Variants in FAT3 observed in about 807,000 individuals in gnomAD.
FAT3 encodes protocadherin Fat 3.
FAT3 carries 95 observed loss-of-function variants against 310.2 expected under a neutral mutation model. The ratio of observed to expected loss-of-function variants is 0.31; its 90% confidence interval spans 0.26 to 0.36. The LOEUF (loss-of-function observed/expected upper bound fraction) is 0.36. Ranked by LOEUF, FAT3 falls within the 10% of genes least tolerant of loss-of-function variation. FAT3 has a pLI of 1.00. For synonymous variants in FAT3, 2,314 were observed against 2,192.9 expected (o/e 1.06, Z -1.54); for missense variants, 5,408 against 5,715.6 (o/e 0.95, Z 1.74).
At chr11:92,561,191 T>C (rs984180055) in intron 3 of FAT3, among the ~76,000 whole-genome samples, 1 of 151,952 alleles carries the variant, frequency 6.6e-6, no homozygotes, top group African/African-American at 2.4e-5. Flanking sequence ...GAATATAGCA[T>C]GGCTGATACT....
In FAT3 at chr11:92,798,916, T is replaced by C. The variant is rs1412531773; in HGVS notation, c.5903T>C (p.Val1968Ala). Residue 1968 changes from valine (V) to alanine (A), a missense_variant, in exon 10 of 28, where the codon GTC becomes GCC. Val to Ala is a moderately conservative substitution (Grantham distance 64). Transcript: ENST00000525166. ...GGAAAGTTCTACAGTACCTCCATGG[T>C]CACCATCATGGTTAAAGAAGCCATG... ...SDGKFYSTSM[V>A]TIMVKEAMDS... The C allele has an allele frequency of 1.2e-6, 2 of 1,613,900 alleles. No homozygotes were observed. Among genetic ancestry groups the C allele is most frequent in the Non-Finnish European group, 1.7e-6 (2 of 1,179,880 alleles).
intron 4 of FAT3, among the ~76,000 whole-genome samples, chr11:92,756,736 C>T (rs535597199): frequency 6.6e-6 from 1 of 152,062 alleles, no homozygotes; most frequent in Admixed American, 6.5e-5. Flanking sequence ...GTGTGCCCTC[C>T]CACCAGCTTC....
chr11:92,555,283 A>G (rs1954979769), intron 3 of FAT3, among the ~76,000 whole-genome samples: 1 of 152,228 alleles, frequency 6.6e-6, no homozygotes, highest in African/African-American at 2.4e-5. Flanking sequence ...TAACGATTTC[A>G]ATAGCTGAGT....
chr11:92,688,711 C>A (rs1943707757), intron 3 of FAT3, among the ~76,000 whole-genome samples: 1 of 152,082 alleles, frequency 6.6e-6, no homozygotes, highest in South Asian at 2.1e-4. Context: ...CTGGGGGGAG[C>A]CTACAAGTCT....
chr11:92,377,135 G>C (rs1314585319), intron 2 of FAT3, among the ~76,000 whole-genome samples: 1 of 152,146 alleles, frequency 6.6e-6, no homozygotes, highest in Non-Finnish European at 1.5e-5. Flanking sequence ...CCCAATACAG[G>C]CTCATGCATG....
In FAT3 at chr11:92,315,504, T is replaced by G. The variant is rs954492049; in HGVS notation, c.-17-36592T>G. Among the ~76,000 whole-genome samples, 461 of 90,882 alleles carry G rather than the reference T, an allele frequency of 5.1e-3. 3 individuals carry two copies. Among genetic ancestry groups the G allele is most frequent in the African/African-American group, 0.016 (371 of 23,078 alleles). 59.6% of individuals were successfully genotyped at this position (90,882 alleles called of 152,430 possible). On this transcript the variant is annotated intron_variant, in intron 1 of 27. Coordinates refer to ENST00000525166, the MANE Select transcript of FAT3 (RefSeq NM_001367949.2). ...GTATATATATATATATATATATATA[T>G]ATATATATAGAGAGAGAGAGAGAGA...
In FAT3 at chr11:92,798,247, A is replaced by T; in HGVS notation, c.5234A>T (p.Asn1745Ile). The part of the protein sequence containing the change: ...SSYQLIIQAT[N>I]MAGMASNATV... ...TATCAACTCATCATTCAGGCCACCA[A>T]TATGGCAGGAATGGCTTCCAATGCT... The change falls in exon 10 of 28, where the codon AAT becomes ATT. Residue 1745 changes from asparagine to isoleucine, a missense_variant. Asn to Ile is a moderately radical substitution (Grantham distance 149). Transcript: ENST00000525166. The T allele has an allele frequency of 1.2e-6, 2 of 1,613,942 alleles. No individual in the cohort carries two copies. Among genetic ancestry groups the T allele is most frequent in the Admixed American group, 1.7e-5 (1 of 60,020 alleles).
chr11:92,615,966 G>A (rs1386025483), intron 3 of FAT3, among the ~76,000 whole-genome samples: 1 of 152,180 alleles, frequency 6.6e-6, no homozygotes, highest in Non-Finnish European at 1.5e-5. Context: ...GATTTGGGGT[G>A]GAGAGTTCTG....
intron 2 of FAT3, among the ~76,000 whole-genome samples, chr11:92,482,278 A>T (rs977662677): frequency 3.3e-5 from 5 of 152,180 alleles, no homozygotes; most frequent in Non-Finnish European, 7.3e-5. Flanking sequence ...CACTTCTGTG[A>T]ATTAAAATTC....
At position 92,859,251 on chromosome 11, in the gene FAT3, C is replaced by T. The variant is rs1472050193; in HGVS notation, c.11587C>T (p.Leu3863=). 3.1e-6 allele frequency: 5 copies of T among 1,613,666 alleles called. No homozygotes were observed. In the Admixed American group the frequency reaches 5.0e-5, roughly 16 times the overall value. The change falls in exon 21 of 28, where the codon CTG becomes TTG. Residue 3863 remains leucine (L), a synonymous_variant. Coordinates refer to ENST00000525166, the MANE Select transcript of FAT3 (RefSeq NM_001367949.2). The part of the protein sequence containing the change: ...NSKEEDFKLA[L]RLRTLQSNGI... ...CAAAGAAGAGGATTTCAAACTAGCT[C>T]TGCGTCTTCGAACACTGCAAAGCAA...
rs139161322 is a variant in FAT3, at chr11:92,749,438, C to T, written c.3670-12418C>T. On this transcript the variant is annotated intron_variant, in intron 4 of 27. Coordinates refer to ENST00000525166, the MANE Select transcript of FAT3 (RefSeq NM_001367949.2). ...TTATTTCTAATAAGATGATATTAGGCTAAGAAGTACATCTGTCTGGACCTC... is the reference window on the plus strand; with the variant it reads ...TTATTTCTAATAAGATGATATTAGGTTAAGAAGTACATCTGTCTGGACCTC... 8.4e-3 allele frequency among the ~76,000 whole-genome samples: 1,273 copies of T among 152,220 alleles called. 30 individuals are homozygous for T. The highest frequency in any genetic ancestry group is 0.029 in the African/African-American group (1,212 of 41,534).
chr11:92,831,386 T>C (rs1948244188), intron 13 of FAT3, among the ~76,000 whole-genome samples: 1 of 152,206 alleles, frequency 6.6e-6, no homozygotes, highest in Non-Finnish European at 1.5e-5. Flanking sequence ...ATTAAGAATA[T>C]CCAACTATTT....
At chr11:92,466,830 G>A (rs1951774899) in intron 2 of FAT3, among the ~76,000 whole-genome samples, 1 of 148,214 alleles carries the variant, frequency 6.7e-6, no homozygotes, top group Non-Finnish European at 1.5e-5. Context: ...AGAACATGCG[G>A]TGTTTGGTTT....
chr11:92,536,109 T>C (rs1216381884), intron 3 of FAT3, among the ~76,000 whole-genome samples: 1 of 152,198 alleles, frequency 6.6e-6, no homozygotes, highest in Non-Finnish European at 1.5e-5. Flanking sequence ...CTTTGAGTGA[T>C]TTTGTTCTTA....
intron 2 of FAT3, among the ~76,000 whole-genome samples, chr11:92,451,873 A>G (rs1239786196): frequency 1.3e-5 from 2 of 152,204 alleles, no homozygotes; most frequent in African/African-American, 4.8e-5. Flanking sequence ...CATGGTCCCA[A>G]GCTATGATGG....
chr11:92,745,796 A>G (rs997886491), intron 4 of FAT3, among the ~76,000 whole-genome samples: 2 of 152,216 alleles, frequency 1.3e-5, no homozygotes, highest in African/African-American at 2.4e-5. Context: ...TGCAAGGTCC[A>G]TGCATGCATG....
intron 6 of FAT3, among the ~76,000 whole-genome samples, chr11:92,770,359 C>A (rs929585334): frequency 1.3e-5 from 2 of 152,204 alleles, no homozygotes; most frequent in Admixed American, 1.3e-4. Flanking sequence ...CTGACCTCCA[C>A]CTGGTGTCCC....
At chr11:92,647,053 T>C (rs922726203) in intron 3 of FAT3, among the ~76,000 whole-genome samples, 1 of 152,118 alleles carries the variant, frequency 6.6e-6, no homozygotes, top group Non-Finnish European at 1.5e-5. Flanking sequence ...CCCATTGGCT[T>C]TTAGGATGCT....
At chr11:92,525,456 T>C (rs1199516839) in intron 3 of FAT3, among the ~76,000 whole-genome samples, 1 of 152,248 alleles carries the variant, frequency 6.6e-6, no homozygotes, top group Non-Finnish European at 1.5e-5. Flanking sequence ...ATAAAATATG[T>C]ATAACTTCAA....
Sources: allele counts gnomAD v4.1 joint callset (sites outside exome capture counted in the v4.1 genomes callset), GRCh38; gene constraint gnomAD v4.1.1; transcripts MANE v1.5; gene names NCBI Gene and HGNC (gene_info 2026-07-23, HGNC 2026-07-21).